Variants in ANKIB1 observed in about 807,000 individuals in gnomAD.
ANKIB1 encodes ankyrin repeat and IBR domain-containing protein 1.
A neutral mutation model predicts 122.1 loss-of-function variants in ANKIB1; 43 were observed. The ratio of observed to expected loss-of-function variants is 0.35; its 90% confidence interval spans 0.28 to 0.45. The LOEUF (loss-of-function observed/expected upper bound fraction) is 0.45. ANKIB1 is among the 20% of genes least tolerant of loss of function. The pLI is 1.00. For synonymous variants in ANKIB1, 390 were observed against 442.0 expected (o/e 0.88, Z 1.48); for missense variants, 992 against 1,329.5 (o/e 0.75, Z 3.95).
rs764131116 is a variant in ANKIB1, at chr7:92,400,699, G to A, written c.*1750G>A. On this transcript the variant is annotated 3_prime_UTR_variant, in exon 20 of 20. Coordinates refer to ENST00000265742, the MANE Select transcript of ANKIB1 (RefSeq NM_019004.2). ...CCAGATCCTCTTAGGATAAACTGTG[G>A]GAATCCTCCTATGCCATGGATATCA... 14 of 151,924 alleles carry A rather than the reference G, an allele frequency of 9.2e-5. No individual in the cohort carries two copies. Among genetic ancestry groups the A allele is most frequent in the Non-Finnish European group, 1.6e-4 (11 of 68,004 alleles). The allele number at this position is 151,924 out of a possible 1,614,324, so 9.4% of individuals were successfully genotyped here.
intron 1 of ANKIB1, among the ~76,000 whole-genome samples, chr7:92,293,534 T>G (rs999902368): frequency 1.2e-4 from 19 of 152,214 alleles, no homozygotes; most frequent in African/African-American, 3.6e-4. Flanking sequence ...TCCCACTGAA[T>G]TAATAGAGTA....
At chr7:92,326,842 C>T (rs941128632) in intron 4 of ANKIB1, among the ~76,000 whole-genome samples, 7 of 151,988 alleles carry the variant, frequency 4.6e-5, no homozygotes, top group Admixed American at 2.6e-4. Flanking sequence ...CTATGTTGCC[C>T]AGGCTAGACT....
At chr7:92,307,290 C>A (rs1802580248) in intron 2 of ANKIB1, 69 bp from the exon 3 acceptor site, 1 of 1,419,702 alleles carries the variant, frequency 7.0e-7, no homozygotes, top group Non-Finnish European at 9.5e-7. Flanking sequence ...AAAGTGTTAT[C>A]TTCAATGTAT....
In ANKIB1 at chr7:92,399,767, AAC is replaced by A. The variant is rs1315282230; in HGVS notation, c.*820_*821del. 3 of 152,344 alleles carry A rather than the reference AAC, an allele frequency of 2.0e-5. No homozygotes were observed. Among genetic ancestry groups the A allele is most frequent in the Non-Finnish European group, 4.4e-5 (3 of 68,038 alleles). The allele number at this position is 152,344 out of a possible 1,614,324, so 9.4% of individuals were successfully genotyped here. On this transcript the variant is annotated 3_prime_UTR_variant, in exon 20 of 20. Coordinates refer to ENST00000265742, the MANE Select transcript of ANKIB1 (RefSeq NM_019004.2). ...AACTAAACCTAATGCTGCTGTTAAA[AAC>A]AGTTTATTTTAATATTAAAATACAG...
chr7:92,353,009 A>G (rs973788866), intron 9 of ANKIB1, among the ~76,000 whole-genome samples: 3 of 152,308 alleles, frequency 2.0e-5, no homozygotes, highest in East Asian at 1.9e-4. Context: ...TGCCTAAACT[A>G]TAATACCAAA....
In ANKIB1 at chr7:92,256,590, C is replaced by T. The variant is rs150743364; in HGVS notation, c.-91+10071C>T. ...AATATGAGGCAGTATACTAATGTTACGGCTTCTATCTTATAAAATGAGGGC... is the reference window on the plus strand; with the variant it reads ...AATATGAGGCAGTATACTAATGTTATGGCTTCTATCTTATAAAATGAGGGC... On this transcript the variant is annotated intron_variant, in intron 1 of 19. Coordinates refer to ENST00000265742, the MANE Select transcript of ANKIB1 (RefSeq NM_019004.2). 1.3e-3 allele frequency among the ~76,000 whole-genome samples: 203 copies of T among 152,184 alleles called. 1 individual carries two copies. The highest frequency in any genetic ancestry group is 4.8e-3 in the African/African-American group (199 of 41,506).
At chr7:92,296,734 A>G (rs1318566989) in intron 2 of ANKIB1, among the ~76,000 whole-genome samples, 1 of 152,158 alleles carries the variant, frequency 6.6e-6, no homozygotes, top group East Asian at 1.9e-4. Context: ...AGCATCTAGC[A>G]TAGTATTTTA....
intron 10 of ANKIB1, among the ~76,000 whole-genome samples, chr7:92,370,295 T>G (rs1461573833): frequency 6.6e-6 from 1 of 150,892 alleles, no homozygotes. Context: ...GATCACGAGG[T>G]CAGGAGATCG....
chr7:92,285,735 A>G (rs372755286), intron 1 of ANKIB1, among the ~76,000 whole-genome samples: 56 of 152,246 alleles, frequency 3.7e-4, no homozygotes, highest in Admixed American at 3.5e-3. Flanking sequence ...TAGATGAGCT[A>G]TCATTTCAGA....
chr7:92,396,949 T>TA (rs1804909106), intron 18 of ANKIB1, among the ~76,000 whole-genome samples: 1 of 152,160 alleles, frequency 6.6e-6, no homozygotes. Context: ...TTTCTGGCAT[T>TA]AGAGATAAAT....
intron 1 of ANKIB1, among the ~76,000 whole-genome samples, chr7:92,260,637 T>G (rs1404829833): frequency 6.6e-6 from 1 of 151,824 alleles, no homozygotes; most frequent in Non-Finnish European, 1.5e-5. Flanking sequence ...GAGTCATGAT[T>G]GTGCCACTTT....
Position 92,399,162 on chromosome 7 carries a change from C to T in ANKIB1, c.*213C>T, listed in dbSNP as rs534616626. On this transcript the variant is annotated 3_prime_UTR_variant, in exon 20 of 20. Coordinates refer to ENST00000265742, the MANE Select transcript of ANKIB1 (RefSeq NM_019004.2). ...TTGTACTTAATTGAATAGCTTTTCC[C>T]CTTTTTGCTGACAAAAAGAAGAGCA... 1.9e-4 allele frequency: 79 copies of T among 415,192 alleles called. No individual in the cohort carries two copies. The highest frequency in any genetic ancestry group is 1.6e-3 in the African/African-American group (76 of 48,706). 25.7% of individuals were successfully genotyped at this position (415,192 alleles called of 1,614,324 possible). A position where few individuals can be genotyped will look rare whatever the true frequency, so the allele number is the denominator to read the frequency against.
chr7:92,373,301 A>G (rs944208015), intron 11 of ANKIB1, among the ~76,000 whole-genome samples: 12 of 152,204 alleles, frequency 7.9e-5, no homozygotes, highest in Non-Finnish European at 1.0e-4. Flanking sequence ...CTATCAAATG[A>G]CAATAAAAAT....
intron 11 of ANKIB1, among the ~76,000 whole-genome samples, chr7:92,375,609 C>G (rs1010181931): frequency 6.6e-6 from 1 of 152,220 alleles, no homozygotes; most frequent in Admixed American, 6.5e-5. Context: ...TCTACCACAT[C>G]TGAGGTTATT....
intron 4 of ANKIB1, among the ~76,000 whole-genome samples, chr7:92,321,970 C>CT (rs1198755929): frequency 6.6e-6 from 1 of 152,116 alleles, no homozygotes; most frequent in Non-Finnish European, 1.5e-5. Flanking sequence ...TCCTCCCCAC[C>CT]TTTTTTTAGT....
intron 11 of ANKIB1, among the ~76,000 whole-genome samples, chr7:92,379,921 C>A (rs1199628385): frequency 6.6e-6 from 1 of 152,070 alleles, no homozygotes; most frequent in African/African-American, 2.4e-5. Flanking sequence ...ACACGAAGGG[C>A]AAGCCGAAGC....
intron 9 of ANKIB1, among the ~76,000 whole-genome samples, chr7:92,353,668 A>G (rs758265157): frequency 9.8e-5 from 15 of 152,320 alleles, no homozygotes; most frequent in Middle Eastern, 3.4e-3. Flanking sequence ...TCATTAGTTA[A>G]AAGTATTTAT....
chr7:92,275,907 C>T (rs1233722197), intron 1 of ANKIB1, among the ~76,000 whole-genome samples: 1 of 151,988 alleles, frequency 6.6e-6, no homozygotes, highest in African/African-American at 2.4e-5. Flanking sequence ...TAGGAGTTAT[C>T]CTAGGATAAT....
chr7:92,400,852 A>G lies in ANKIB1; in HGVS notation c.*1903A>G, dbSNP rs904477610. 2 of 152,218 alleles carry G rather than the reference A, an allele frequency of 1.3e-5. No homozygotes were observed. The highest frequency in any genetic ancestry group is 3.8e-4 in the East Asian group (2 of 5,206). 9.4% of individuals were successfully genotyped at this position (152,218 alleles called of 1,614,324 possible). Reference sequence around the variant, plus strand: ...GTATATTAAACTGAAATAGTCCATTAAAGGATTTTTTTATAAATTTATTTT... The same window carrying G: ...GTATATTAAACTGAAATAGTCCATTGAAGGATTTTTTTATAAATTTATTTT... On this transcript the variant is annotated 3_prime_UTR_variant, in exon 20 of 20. Coordinates refer to ENST00000265742, the MANE Select transcript of ANKIB1 (RefSeq NM_019004.2).
Sources: allele counts gnomAD v4.1 joint callset (sites outside exome capture counted in the v4.1 genomes callset), GRCh38; gene constraint gnomAD v4.1.1; transcripts MANE v1.5; gene names NCBI Gene and HGNC (gene_info 2026-07-23, HGNC 2026-07-21).